MNDA: variants seen among roughly 807,000 people sequenced by gnomAD.
MNDA encodes the protein myeloid cell nuclear differentiation antigen, also known as epididymis secretory sperm binding protein.
Under a neutral mutation model 37.8 loss-of-function variants are expected in MNDA, and 43 were observed. That is an observed-to-expected ratio of 1.14 (90% CI 0.89 to 1.47). The LOEUF is 1.47. Among genes scored for constraint, MNDA ranks in the 40% most tolerant of loss-of-function variants. The pLI is 0.00. For missense variants in MNDA, 536 were observed against 476.0 expected, an observed-to-expected ratio of 1.13 and a Z score of -1.17; for synonymous variants, 181 against 169.0, an observed-to-expected ratio of 1.07 and a Z score of -0.55.
intron 1 of MNDA, among the ~76,000 whole-genome samples, chr1:158,836,315 TA>T (rs1201697120): frequency 3.3e-5 from 5 of 152,008 alleles, no homozygotes; most frequent in African/African-American, 1.2e-4. Flanking sequence ...AATTCTTCTT[TA>T]TATATTTGGT....
chr1:158,835,156 C>G (rs550085168), intron 1 of MNDA, among the ~76,000 whole-genome samples: 1 of 152,284 alleles, frequency 6.6e-6, no homozygotes, highest in African/African-American at 2.4e-5. Flanking sequence ...AAAAACACTT[C>G]TGGGATTTTG....
rs1049711128 is a variant in MNDA at position 158,845,736 on chromosome 1, G to A, written c.720G>A (p.Val240=). Reference sequence around the variant, plus strand: ...AAAGCACAATGTTTCATGCTACAGTGGCCAGTAAGACTCAATATTTCCATG... The same window carrying A: ...AAAGCACAATGTTTCATGCTACAGTAGCCAGTAAGACTCAATATTTCCATG... ...NGKSTMFHAT[V]ASKTQYFHVK... Residue 240 remains valine, a synonymous_variant, in exon 5 of 7, where the codon GTG becomes GTA. Coordinates refer to ENST00000368141, the MANE Select transcript of MNDA (RefSeq NM_002432.3). 2.5e-6 allele frequency: 4 copies of A among 1,613,984 alleles called. No individual in the cohort carries two copies. The highest frequency in any genetic ancestry group is 3.4e-6 in the Non-Finnish European group (4 of 1,180,038).
intron 3 of MNDA, 130 bp downstream of exon 3, chr1:158,843,545 G>A (rs565369394): frequency 2.0e-6 from 2 of 986,320 alleles, no homozygotes; most frequent in South Asian, 4.7e-5. Context: ...TCTTTGTGAT[G>A]AGTAAAGAGT....
chr1:158,835,215 A>G (rs1395830556), intron 1 of MNDA, among the ~76,000 whole-genome samples: 1 of 152,160 alleles, frequency 6.6e-6, no homozygotes, highest in Non-Finnish European at 1.5e-5. Context: ...TTCCTTGGGT[A>G]TTGACACCTT....
intron 1 of MNDA, among the ~76,000 whole-genome samples, chr1:158,833,754 G>A (rs1015493745): frequency 6.6e-6 from 1 of 152,064 alleles, no homozygotes; most frequent in Non-Finnish European, 1.5e-5. Flanking sequence ...TTCATCCATT[G>A]AAGGACACTT....
rs768027494 is a variant in MNDA at position 158,849,229 on chromosome 1, G to T, written c.1216G>T (p.Val406Phe). 63 of 1,611,564 alleles carry T rather than the reference G, an allele frequency of 3.9e-5. No homozygotes were observed. Among genetic ancestry groups the T allele is most frequent in the Non-Finnish European group, 4.8e-5 (56 of 1,178,592 alleles). The part of the protein sequence containing the change: ...AKKNKEGPMN[V>F]N Reference sequence around the variant, plus strand: ...GAAAAACAAGGAAGGACCAATGAATGTTAATTGAAATATGAAAGCTGAAAT... The same window carrying T: ...GAAAAACAAGGAAGGACCAATGAATTTTAATTGAAATATGAAAGCTGAAAT... The change falls in exon 7 of 7, where the codon GTT becomes TTT. Residue 406 changes from valine to phenylalanine, a missense_variant. Val to Phe is a conservative substitution (Grantham distance 50). Transcript: ENST00000368141.
At chr1:158,847,940 G>A in intron 6 of MNDA, 24 bp downstream of exon 6, 1 of 1,594,140 alleles carries the variant, frequency 6.3e-7, no homozygotes, top group Non-Finnish European at 8.6e-7. Context: ...AGAGGAGAAT[G>A]AGTTTGCTAA....
At chr1:158,839,494 C>T (rs747426344) in intron 1 of MNDA, among the ~76,000 whole-genome samples, 4 of 152,188 alleles carry the variant, frequency 2.6e-5, no homozygotes, top group African/African-American at 4.8e-5. Context: ...CCCACCACTA[C>T]TTTTTGCAGC....
intron 5 of MNDA, among the ~76,000 whole-genome samples, 187 bp from the exon 6 acceptor site, chr1:158,847,541 T>C (rs13374165): frequency 0.03 from 4,519 of 152,114 alleles, 200 homozygotes; most frequent in African/African-American, 0.1. Context: ...GAAAAATACC[T>C]TAAGCAGGAA....
At chr1:158,840,061 AG>A (rs1179240939) in intron 1 of MNDA, among the ~76,000 whole-genome samples, 1 of 152,076 alleles carries the variant, frequency 6.6e-6, no homozygotes, top group East Asian at 1.9e-4. Flanking sequence ...TCATTTTTTT[AG>A]GGGGGGATTT....
At chr1:158,846,884 G>A (rs552744123) in intron 5 of MNDA, among the ~76,000 whole-genome samples, 1 of 152,312 alleles carries the variant, frequency 6.6e-6, no homozygotes, top group East Asian at 1.9e-4. Flanking sequence ...CAGAATTGAT[G>A]AGTAATAGCT....
intron 2 of MNDA, 167 bp downstream of exon 2, chr1:158,842,585 T>C: frequency 1.6e-6 from 1 of 610,002 alleles, no homozygotes; most frequent in Non-Finnish European, 2.9e-6. Context: ...TAGAACATTC[T>C]GTTTCATATG....
At chr1:158,837,105 G>T (rs1367635865) in intron 1 of MNDA, among the ~76,000 whole-genome samples, 1 of 151,648 alleles carries the variant, frequency 6.6e-6, no homozygotes, top group Non-Finnish European at 1.5e-5. Flanking sequence ...CACTTGTTTG[G>T]CATCCTAATT....
chr1:158,832,791 A>C (rs1658830462), intron 1 of MNDA, among the ~76,000 whole-genome samples: 1 of 152,010 alleles, frequency 6.6e-6, no homozygotes, highest in South Asian at 2.1e-4. Flanking sequence ...AAGTGAACTT[A>C]TGCTTTATTT....
At chr1:158,845,044 T>C (rs860781) in intron 4 of MNDA, among the ~76,000 whole-genome samples, 81,904 of 152,058 alleles carry the variant, frequency 0.54, 22,485 homozygotes, top group East Asian at 0.68. Flanking sequence ...CTGTTGTCTG[T>C]TACCTTAGGC....
Position 158,842,164 on chromosome 1 carries a change from A to T in MNDA, c.11A>T (p.Glu4Val). MVN[E>V]YKKILLLKGF... ...GCTATAACATCAGAAATGGTGAATG[A>T]ATACAAGAAAATTCTTTTGCTGAAA... Residue 4 changes from glutamate (E) to valine (V), a missense_variant, in exon 2 of 7, where the codon GAA becomes GTA. Glu to Val is a moderately radical substitution (Grantham distance 121, BLOSUM62 -2). Transcript: ENST00000368141. 6.2e-7 allele frequency: 1 copy of T among 1,610,280 alleles called. No individual in the cohort carries two copies. Among genetic ancestry groups the T allele is most frequent in the African/African-American group, 1.3e-5 (1 of 74,784 alleles).
At chr1:158,844,232 T>A in intron 4 of MNDA, 110 bp downstream of exon 4, 1 of 1,143,980 alleles carries the variant, frequency 8.7e-7, no homozygotes, top group Non-Finnish European at 1.2e-6. Flanking sequence ...TGATTTGCTG[T>A]GGGAAAACTG....
Position 158,847,764 on chromosome 1 carries a change from C to A in MNDA, c.1024C>A (p.Gln342Lys). Residue 342 changes from glutamine to lysine, a missense_variant, in exon 6 of 7, where the codon CAG (glutamine) becomes AAG (lysine). Gln to Lys is a moderately conservative substitution (Grantham distance 53). Coordinates refer to ENST00000368141, the MANE Select transcript of MNDA (RefSeq NM_002432.3). ...CAAGAAGAACACAATTTATGAAATACAGGATAATACAGGATCCATGGATGT... is the reference window on the plus strand; with the variant it reads ...CAAGAAGAACACAATTTATGAAATAAAGGATAATACAGGATCCATGGATGT... ...VHKKNTIYEI[Q>K]DNTGSMDVVG... 1 of 1,612,060 alleles carries A rather than the reference C, an allele frequency of 6.2e-7. No homozygotes were observed. Among genetic ancestry groups the A allele is most frequent in the Non-Finnish European group, 8.5e-7 (1 of 1,179,092 alleles).
rs1659069201 is a variant in MNDA at position 158,843,359 on chromosome 1, C to T, written c.346C>T (p.Pro116Ser). The change falls in exon 3 of 7, where the codon CCC becomes TCC. Residue 116 changes from proline (P) to serine (S), a missense_variant. Coordinates refer to ENST00000368141, the MANE Select transcript of MNDA (RefSeq NM_002432.3). The stretch of plus-strand genomic sequence containing the variant: ...AGAAGTGGGTCTTGCGGCACCTGCA[C>T]CCACCGCAAGAAACAAACTGACATC... ...QEEVGLAAPA[P>S]TARNKLTSEA... is the part of the protein sequence containing the mutation. 2.5e-6 allele frequency: 4 copies of T among 1,612,698 alleles called. No homozygotes were observed. Among genetic ancestry groups the T allele is most frequent in the Non-Finnish European group, 3.4e-6 (4 of 1,179,422 alleles).
Sources: allele counts gnomAD v4.1 joint callset (sites outside exome capture counted in the v4.1 genomes callset), GRCh38; gene constraint gnomAD v4.1.1; transcripts MANE v1.5; gene names NCBI Gene and HGNC (gene_info 2026-07-23, HGNC 2026-07-21).